The following METTL15 variants were observed in gnomAD, a reference collection of about 807,000 sequenced individuals.
The protein encoded by METTL15 is methyltransferase 15, mitochondrial 12S rRNA N4-cytidine, also known as 12S rRNA N(4)-cytidine methyltransferase METTL15.
METTL15 carries 34 observed loss-of-function variants against 38.3 expected under a neutral mutation model. The ratio of observed to expected loss-of-function variants is 0.89; its 90% CI spans 0.68 to 1.18. METTL15 has a LOEUF of 1.18. Among genes scored for constraint, METTL15 ranks in the 50% most tolerant of loss-of-function variants. The probability of loss-of-function intolerance (pLI) is 0.00; values close to 1 mark genes in which losing one functional copy is unlikely to be tolerated. For synonymous variants in METTL15, 162 were observed against 170.9 expected (o/e 0.95, Z 0.41); for missense variants, 438 against 498.4 (o/e 0.88, Z 1.15).
At chr11:28,346,262 T>TA (rs768994031) in intron 3 of METTL15, among the ~76,000 whole-genome samples, 8 of 151,482 alleles carry the variant, frequency 5.3e-5, no homozygotes, top group Non-Finnish European at 7.4e-5. Context: ...GGCACATTGT[T>TA]ATGTTTTTTT....
At chr11:28,455,050 C>T (rs1309957700) in intron 6 of METTL15, among the ~76,000 whole-genome samples, 2 of 152,024 alleles carry the variant, frequency 1.3e-5, no homozygotes, top group African/African-American at 2.4e-5. Context: ...CAGTGGGAAT[C>T]GGAGTTCCAA....
chr11:28,296,641 C>A, intron 5 of METTL15, 112 bp from the exon 6 acceptor site: 10 of 1,113,310 alleles, frequency 9.0e-6, no homozygotes, highest in South Asian at 8.1e-5. Context: ...TAAAACCTCA[C>A]TTCTCCTAGA....
rs114306949 is a variant in METTL15 at position 28,497,432 on chromosome 11, T to A, written c.*425-29046T>A. 4.3e-3 allele frequency among the ~76,000 whole-genome samples: 658 copies of A among 152,342 alleles called. 6 individuals are homozygous for A. Among genetic ancestry groups the A allele is most frequent in the African/African-American group, 0.015 (635 of 41,588 alleles). On this transcript the variant is annotated intron_variant and NMD_transcript_variant, in intron 6 of 7. Coordinates refer to the METTL15 transcript ENST00000532947. ...ATTCTACACACTTTGAATACTCTTC[T>A]ATATGTTCCTTTTCAAAGACAAAAA...
rs1274875452 is a variant in METTL15, at chr11:28,215,902, A to AGGTACTCAGGAGGCTGTGGT, written c.407+4718_407+4737dup. 7.2e-5 allele frequency among the ~76,000 whole-genome samples: 11 copies of AGGTACTCAGGAGGCTGTGGT among 152,158 alleles called. No homozygotes were observed. In the South Asian group the frequency reaches 1.0e-3, roughly 14 times the overall value. On this transcript the variant is annotated intron_variant, in intron 4 of 6. Coordinates refer to ENST00000407364, the MANE Select transcript of METTL15 (RefSeq NM_001113528.2). ...AATGGTGGTGTGCACCTGTAGTCCC[A>AGGTACTCAGGAGGCTGTGGT]GGTACTCAGGAGGCTGTGGTGGTAC...
intron 4 of METTL15, among the ~76,000 whole-genome samples, chr11:28,218,067 CAAA>C (rs1003233704): frequency 6.6e-6 from 1 of 151,898 alleles, no homozygotes; most frequent in Non-Finnish European, 1.5e-5. Flanking sequence ...ATATGAACTT[CAAA>C]GTAGTTTTTT....
chr11:28,341,733 C>A (rs753046128), intron 3 of METTL15, among the ~76,000 whole-genome samples: 1 of 152,164 alleles, frequency 6.6e-6, no homozygotes, highest in Non-Finnish European at 1.5e-5. Flanking sequence ...TAAAATAACA[C>A]ATCTCTACTT....
chr11:28,397,850 C>T (rs1484788510), intron 5 of METTL15, among the ~76,000 whole-genome samples: 2 of 152,182 alleles, frequency 1.3e-5, no homozygotes, highest in East Asian at 1.9e-4. Flanking sequence ...AGATGTCCAT[C>T]AATGATAGAC....
intron 6 of METTL15, among the ~76,000 whole-genome samples, chr11:28,424,923 G>A (rs762931570): frequency 1.9e-4 from 29 of 152,180 alleles, no homozygotes; most frequent in Admixed American, 7.9e-4. Context: ...TACTGTAATA[G>A]CAGTGGTTGG....
Position 28,385,400 on chromosome 11 carries a change from T to A in METTL15, c.*358+23364T>A, listed in dbSNP as rs949610837. Among the ~76,000 whole-genome samples the A allele has an allele frequency of 7.2e-5, 11 of 152,258 alleles. 1 individual carries two copies. The South Asian group carries it at 2.3e-3, about 32-fold the overall frequency. On this transcript the variant is annotated intron_variant and NMD_transcript_variant, in intron 5 of 7. Coordinates refer to the METTL15 transcript ENST00000532947. Reference sequence around the variant, plus strand: ...CCAGCACAATTTGTTGAATAAGGAGTCTTTTTTCCACTGCTTGTTTTTTTC... The same window carrying A: ...CCAGCACAATTTGTTGAATAAGGAGACTTTTTTCCACTGCTTGTTTTTTTC...
intron 3 of METTL15, among the ~76,000 whole-genome samples, chr11:28,159,685 A>G (rs1448383558): frequency 6.6e-6 from 1 of 152,206 alleles, no homozygotes; most frequent in Admixed American, 6.5e-5. Context: ...ATCATGTGAC[A>G]TAAGATTTAT....
chr11:28,368,557 C>T (rs1035425743), intron 5 of METTL15, among the ~76,000 whole-genome samples: 6 of 152,114 alleles, frequency 3.9e-5, no homozygotes, highest in African/African-American at 1.4e-4. Flanking sequence ...GTTGGTGGGA[C>T]TGTAAATTAG....
At chr11:28,165,814 T>G (rs1254398521) in intron 3 of METTL15, among the ~76,000 whole-genome samples, 3 of 152,152 alleles carry the variant, frequency 2.0e-5, no homozygotes, top group Non-Finnish European at 4.4e-5. Flanking sequence ...CTTCAGCTTG[T>G]GACTTGATTT....
intron 6 of METTL15, among the ~76,000 whole-genome samples, chr11:28,454,329 CCAA>C (rs1477775268): frequency 6.6e-6 from 1 of 152,174 alleles, no homozygotes; most frequent in Non-Finnish European, 1.5e-5. Flanking sequence ...GAAGTATCTC[CCAA>C]CAACATCTCT....
chr11:28,383,306 T>G (rs1850408048), intron 5 of METTL15, among the ~76,000 whole-genome samples: 1 of 152,194 alleles, frequency 6.6e-6, no homozygotes, highest in Admixed American at 6.5e-5. Flanking sequence ...CTCATTATTT[T>G]TATGGGTGGG....
intron 6 of METTL15, among the ~76,000 whole-genome samples, chr11:28,320,163 T>C (rs1431637173): frequency 6.7e-6 from 1 of 149,076 alleles, no homozygotes. Context: ...GCAATTCAGT[T>C]GATAGACTAA....
At position 28,322,070 on chromosome 11, in the gene METTL15, A is replaced by G. The variant is rs372497105; in HGVS notation, c.779-8326A>G. 9.9e-5 allele frequency among the ~76,000 whole-genome samples: 15 copies of G among 152,186 alleles called. No individual in the cohort carries two copies. In the East Asian group the frequency reaches 1.5e-3, roughly 16 times the overall value. On this transcript the variant is annotated intron_variant, in intron 6 of 6. Coordinates refer to ENST00000407364, the MANE Select transcript of METTL15 (RefSeq NM_001113528.2). ...TGGATTAAATATTCAAATATAAGAAATAAAACCAGAAATATATCAAAAAAT... is the reference window on the plus strand; with the variant it reads ...TGGATTAAATATTCAAATATAAGAAGTAAAACCAGAAATATATCAAAAAAT...
chr11:28,237,854 T>C (rs564535983), intron 4 of METTL15, among the ~76,000 whole-genome samples: 153 of 152,272 alleles, frequency 1.0e-3, no homozygotes, highest in African/African-American at 1.9e-3. Flanking sequence ...CTGTTGGAGT[T>C]TGCTAGAGGT....
At chr11:28,278,861 C>T (rs369091122) in intron 4 of METTL15, among the ~76,000 whole-genome samples, 79 of 152,284 alleles carry the variant, frequency 5.2e-4, no homozygotes, top group African/African-American at 1.8e-3. Context: ...GAGTCTTGCT[C>T]TGTCACCCAG....
chr11:28,341,357 G>T (rs553808980), intron 3 of METTL15, among the ~76,000 whole-genome samples: 1 of 152,212 alleles, frequency 6.6e-6, no homozygotes, highest in African/African-American at 2.4e-5. Flanking sequence ...TGTCCTTAGT[G>T]ATACATGAAA....
Sources: allele counts gnomAD v4.1 joint callset (sites outside exome capture counted in the v4.1 genomes callset), GRCh38; gene constraint gnomAD v4.1.1; transcripts MANE v1.5; gene names NCBI Gene and HGNC (gene_info 2026-07-23, HGNC 2026-07-21).